Variants in KCND2 observed in about 807,000 individuals in gnomAD.
The protein encoded by KCND2 is A-type voltage-gated potassium channel KCND2.
In KCND2, 16 loss-of-function variants were observed where a neutral mutation model predicts 54.4. The ratio of observed to expected loss-of-function variants is 0.29; its 90% CI spans 0.20 to 0.45. The LOEUF is 0.45. Ranked by LOEUF, KCND2 falls within the 20% of genes least tolerant of loss-of-function variation. The probability of loss-of-function intolerance (pLI) is 1.00; values close to 1 mark genes in which losing one functional copy is unlikely to be tolerated. For missense variants in KCND2, 486 were observed against 824.2 expected, an observed-to-expected ratio of 0.59 and a Z score of 5.02; for synonymous variants, 317 against 310.7, an observed-to-expected ratio of 1.02 and a Z score of -0.21.
At chr7:120,472,783 A>G (rs2116263580) in intron 1 of KCND2, among the ~76,000 whole-genome samples, 1 of 152,324 alleles carries the variant, frequency 6.6e-6, no homozygotes, top group African/African-American at 2.4e-5. Context: ...GATTGGCAAT[A>G]ATTGTAAGTT....
At chr7:120,527,411 A>G (rs1441314192) in intron 1 of KCND2, among the ~76,000 whole-genome samples, 2 of 152,146 alleles carry the variant, frequency 1.3e-5, no homozygotes, top group Non-Finnish European at 2.9e-5. Context: ...GACTTTCGGT[A>G]CACTACATCT....
At chr7:120,669,628 C>A (rs1791967322) in intron 1 of KCND2, among the ~76,000 whole-genome samples, 1 of 152,042 alleles carries the variant, frequency 6.6e-6, no homozygotes, top group South Asian at 2.1e-4. Flanking sequence ...TTAATGATTT[C>A]CGAAACCCTG....
At position 120,747,811 on chromosome 7, in the gene KCND2, T is replaced by TCCCCTGAGTA; in HGVS notation, c.1848_1857dup (p.Ser620ProfsTer2). On this transcript the variant is annotated frameshift_variant, in exon 6 of 6. Transcript: ENST00000331113. LOFTEE classifies it high-confidence loss of function. ...ACCAGAAGGAGACGATAGGCCAGAA[T>TCCCCTGAGTA]CCCCTGAGTACTCAGGAGGAAATAT... 1 of 1,612,400 alleles carries TCCCCTGAGTA rather than the reference T, an allele frequency of 6.2e-7. No individual in the cohort carries two copies. Among genetic ancestry groups the TCCCCTGAGTA allele is most frequent in the Non-Finnish European group, 8.5e-7 (1 of 1,178,918 alleles).
chr7:120,421,421 C>T (rs1375039343), intron 1 of KCND2, among the ~76,000 whole-genome samples: 1 of 152,216 alleles, frequency 6.6e-6, no homozygotes, highest in Non-Finnish European at 1.5e-5. Context: ...GTGACCTGCA[C>T]ACACACAACA....
intron 1 of KCND2, among the ~76,000 whole-genome samples, chr7:120,391,678 CT>C (rs372958105): frequency 0.061 from 9,280 of 151,864 alleles, 866 homozygotes; most frequent in African/African-American, 0.21. Flanking sequence ...TGATGATGAG[CT>C]TTTTTTTCAT....
At chr7:120,598,673 G>A (rs902078992) in intron 1 of KCND2, among the ~76,000 whole-genome samples, 1 of 151,882 alleles carries the variant, frequency 6.6e-6, no homozygotes, top group African/African-American at 2.4e-5. Context: ...TGGATTGTTT[G>A]TTCTGTTTTT....
intron 1 of KCND2, among the ~76,000 whole-genome samples, chr7:120,297,380 G>C (rs534893585): frequency 3.7e-4 from 57 of 152,206 alleles, no homozygotes; most frequent in African/African-American, 1.2e-3. Flanking sequence ...TGTTGCAGAA[G>C]ACATCATTTC....
chr7:120,563,884 A>C (rs375122014), intron 1 of KCND2, among the ~76,000 whole-genome samples: 1 of 152,164 alleles, frequency 6.6e-6, no homozygotes, highest in Non-Finnish European at 1.5e-5. Context: ...ATTTCTCCCA[A>C]AGTTCCCCTT....
Position 120,435,583 on chromosome 7 carries a change from C to T in KCND2, c.1115+159836C>T, listed in dbSNP as rs116009256. ...AAACTGTAATGATGATTAAAACAAA[C>T]GAATAACCCTATTACAAAATTAATT... is the stretch of plus-strand genomic sequence containing the variant. On this transcript the variant is annotated intron_variant, in intron 1 of 5. Coordinates refer to ENST00000331113, the MANE Select transcript of KCND2 (RefSeq NM_012281.3). Among the ~76,000 whole-genome samples the T allele has an allele frequency of 1.5e-3, 227 of 151,952 alleles. 1 individual carries two copies. Among genetic ancestry groups the T allele is most frequent in the African/African-American group, 5.0e-3 (208 of 41,428 alleles).
intron 1 of KCND2, among the ~76,000 whole-genome samples, chr7:120,624,622 A>C (rs939316976): frequency 6.6e-6 from 1 of 152,044 alleles, no homozygotes; most frequent in African/African-American, 2.4e-5. Context: ...TCAAGAAAAA[A>C]ATTCAAAAAT....
intron 1 of KCND2, among the ~76,000 whole-genome samples, chr7:120,549,063 AAGAT>A (rs1792076314): frequency 6.6e-6 from 1 of 152,114 alleles, no homozygotes; most frequent in Non-Finnish European, 1.5e-5. Flanking sequence ...GAATCTTAAC[AAGAT>A]TGGTATCTGA....
intron 1 of KCND2, among the ~76,000 whole-genome samples, chr7:120,344,488 C>G (rs1800284299): frequency 6.6e-6 from 1 of 152,054 alleles, no homozygotes; most frequent in Admixed American, 6.6e-5. Context: ...CACTTCCTTC[C>G]AAAATAGGCT....
intron 1 of KCND2, among the ~76,000 whole-genome samples, chr7:120,639,918 A>C (rs1429913374): frequency 1.3e-5 from 2 of 151,998 alleles, no homozygotes; most frequent in Non-Finnish European, 2.9e-5. Flanking sequence ...TTTTTTACCT[A>C]ATAAACTTAA....
chr7:120,438,274 G>A (rs369299816), intron 1 of KCND2, among the ~76,000 whole-genome samples: 1 of 152,076 alleles, frequency 6.6e-6, no homozygotes, highest in African/African-American at 2.4e-5. Context: ...TTTAATCCAG[G>A]TATTATCAGG....
Position 120,273,855 on chromosome 7 carries a change from T to A in KCND2, c.-778T>A, listed in dbSNP as rs993318290. The A allele has an allele frequency of 1.3e-5, 2 of 152,764 alleles. No individual in the cohort carries two copies. Among genetic ancestry groups the A allele is most frequent in the Non-Finnish European group, 2.9e-5 (2 of 68,158 alleles). The allele number at this position is 152,764 out of a possible 1,614,324, so 9.5% of individuals were successfully genotyped here. A position where few individuals can be genotyped will look rare whatever the true frequency, so the allele number is the denominator to read the frequency against. On this transcript the variant is annotated 5_prime_UTR_variant, in exon 1 of 6. Coordinates refer to ENST00000331113, the MANE Select transcript of KCND2 (RefSeq NM_012281.3). ...GCTGCCAGCTCCTGAGCTCTGTAAC[T>A]GTCACACTGCACCTGAGCTGAACTT...
chr7:120,289,378 T>G (rs1402042128), intron 1 of KCND2, among the ~76,000 whole-genome samples: 1 of 152,028 alleles, frequency 6.6e-6, no homozygotes, highest in Non-Finnish European at 1.5e-5. Context: ...AACATTTGTT[T>G]AAGTTTAAAC....
At chr7:120,687,765 A>C (rs1218782109) in intron 1 of KCND2, among the ~76,000 whole-genome samples, 5 of 152,218 alleles carry the variant, frequency 3.3e-5, no homozygotes, top group Non-Finnish European at 5.9e-5. Flanking sequence ...AATACTAATC[A>C]AACTAATAAA....
At chr7:120,293,350 A>G (rs1365080983) in intron 1 of KCND2, among the ~76,000 whole-genome samples, 1 of 151,994 alleles carries the variant, frequency 6.6e-6, no homozygotes, top group East Asian at 1.9e-4. Flanking sequence ...GCCCAGTGCA[A>G]CCAGACATTT....
chr7:120,427,428 AAC>A (rs1388649564), intron 1 of KCND2, among the ~76,000 whole-genome samples: 1 of 152,172 alleles, frequency 6.6e-6, no homozygotes, highest in Non-Finnish European at 1.5e-5. Flanking sequence ...GCCTCGGAAT[AAC>A]AGTTTTTTAG....
Sources: gnomAD v4.1 joint callset for allele counts (sites outside exome capture counted in the v4.1 genomes callset) on GRCh38, gnomAD v4.1.1 for gene constraint, MANE v1.5 for transcripts, NCBI Gene and HGNC (gene_info 2026-07-23, HGNC 2026-07-21) for gene names.